Variants in AHI1 observed in about 807,000 individuals in gnomAD.
AHI1 encodes Abelson helper integration site 1, also known as jouberin.
Under a neutral mutation model 149.3 loss-of-function variants are expected in AHI1, and 123 were observed. The observed-to-expected ratio is 0.82, with a 90% CI of 0.71 to 0.96. The LOEUF (loss-of-function observed/expected upper bound fraction) is 0.96, where lower values mean the gene tolerates loss of function less well. Among genes scored for constraint, AHI1 ranks in the 40% least tolerant of loss-of-function variants. The probability of loss-of-function intolerance (pLI) is 0.00; values close to 1 mark genes in which losing one functional copy is unlikely to be tolerated. For missense variants in AHI1, 1,439 were observed against 1,422.7 expected (o/e 1.01, Z -0.18); for synonymous variants, 475 against 459.8 (o/e 1.03, Z -0.42).
chr6:135,434,874 T>C (rs1785172409), intron 15 of AHI1, among the ~76,000 whole-genome samples: 2 of 152,116 alleles, frequency 1.3e-5, no homozygotes, highest in South Asian at 4.1e-4. Context: ...AGCCATTACA[T>C]ATGGAAAAGC....
At chr6:135,412,265 T>C (rs188671498) in intron 20 of AHI1, among the ~76,000 whole-genome samples, 73 of 152,322 alleles carry the variant, frequency 4.8e-4, no homozygotes, top group African/African-American at 1.7e-3. Flanking sequence ...CTACAGATGA[T>C]TCCAAGTATG....
chr6:135,337,842 T>A (rs888235216), intron 24 of AHI1, among the ~76,000 whole-genome samples: 3 of 150,882 alleles, frequency 2.0e-5, no homozygotes, highest in Admixed American at 6.6e-5. Context: ...TAGCCAGATA[T>A]CAGTAATTAA....
intron 23 of AHI1, among the ~76,000 whole-genome samples, chr6:135,394,388 C>T (rs549918371): frequency 7.9e-5 from 12 of 152,134 alleles, no homozygotes; most frequent in African/African-American, 2.9e-4. Context: ...CTACAGGTTA[C>T]ATCCTATTTC....
intron 22 of AHI1, among the ~76,000 whole-genome samples, chr6:135,399,501 T>C (rs75631854): frequency 6.6e-6 from 1 of 152,276 alleles, no homozygotes; most frequent in African/African-American, 2.4e-5. Context: ...TCTATCCTTC[T>C]ATCTTTGTTT....
intron 22 of AHI1, among the ~76,000 whole-genome samples, chr6:135,397,552 A>G (rs943112807): frequency 1.3e-5 from 2 of 152,060 alleles, no homozygotes; most frequent in African/African-American, 4.8e-5. Context: ...TGCCAAGTTA[A>G]TCATAAAACT....
chr6:135,352,942 G>T (rs538558790), intron 24 of AHI1, among the ~76,000 whole-genome samples: 3 of 150,850 alleles, frequency 2.0e-5, no homozygotes, highest in Admixed American at 2.0e-4. Flanking sequence ...AATTTATGCT[G>T]CTGTTATATC....
intron 23 of AHI1, among the ~76,000 whole-genome samples, chr6:135,375,699 T>A (rs1233298646): frequency 6.6e-6 from 1 of 152,260 alleles, no homozygotes; most frequent in African/African-American, 2.4e-5. Context: ...CAACTGGGAA[T>A]ATCAATATAA....
chr6:135,292,049 C>T (rs6934384), intron 27 of AHI1, among the ~76,000 whole-genome samples: 15,667 of 151,972 alleles, frequency 0.1, 1,679 homozygotes, highest in African/African-American at 0.27. Context: ...GGATTATTTT[C>T]AAGAAGTCAG....
chr6:135,313,271 A>G (rs1464858973), intron 26 of AHI1, among the ~76,000 whole-genome samples: 1 of 152,196 alleles, frequency 6.6e-6, no homozygotes, highest in African/African-American at 2.4e-5. Flanking sequence ...AAGAGAAAAA[A>G]ATATATGCAG....
In AHI1 at chr6:135,429,133, G is replaced by C. The variant is rs1290477066; in HGVS notation, c.2493-374C>G. ...GAGCTGGTTACTAAACTAATGGATA[G>C]AATTTTTATACTCATATATTCTTCT... On this transcript the variant is annotated intron_variant, in intron 18 of 28. Transcript: ENST00000265602. Among the ~76,000 whole-genome samples the C allele has an allele frequency of 2.6e-5, 4 of 151,588 alleles. No individual in the cohort carries two copies. In the East Asian group the frequency reaches 7.7e-4, roughly 29 times the overall value.
intron 13 of AHI1, among the ~76,000 whole-genome samples, chr6:135,444,464 G>T (rs138832954): frequency 0.01 from 1,538 of 152,132 alleles, 11 homozygotes; most frequent in Middle Eastern, 0.044. Context: ...GAATACAACA[G>T]GTCCTTTCCC....
intron 23 of AHI1, among the ~76,000 whole-genome samples, chr6:135,387,045 G>A (rs1459778080): frequency 6.6e-6 from 1 of 152,056 alleles, no homozygotes; most frequent in Non-Finnish European, 1.5e-5. Flanking sequence ...ACTACACCTG[G>A]CTAACTATTT....
At chr6:135,320,909 T>C (rs563271103) in intron 25 of AHI1, among the ~76,000 whole-genome samples, 40 of 152,256 alleles carry the variant, frequency 2.6e-4, no homozygotes, top group African/African-American at 9.6e-4. Flanking sequence ...GACCCAACAA[T>C]GAGAAGAAGG....
At chr6:135,431,509 T>G (rs1223114307) in intron 16 of AHI1, among the ~76,000 whole-genome samples, 195 bp from the exon 17 acceptor site, 1 of 152,138 alleles carries the variant, frequency 6.6e-6, no homozygotes, top group Non-Finnish European at 1.5e-5. Context: ...AAATGAATTC[T>G]TTACTCTTTT....
intron 25 of AHI1, among the ~76,000 whole-genome samples, chr6:135,319,807 A>AT (rs1260873791): frequency 2.6e-5 from 4 of 152,158 alleles, no homozygotes; most frequent in Admixed American, 6.5e-5. Context: ...TTTATCTCAT[A>AT]TTTTGAGGGT....
chr6:135,374,302 CG>C (rs533517537), intron 23 of AHI1, among the ~76,000 whole-genome samples: 65 of 151,154 alleles, frequency 4.3e-4, no homozygotes, highest in African/African-American at 1.5e-3. Context: ...TTAGTAGAGA[CG>C]GGGTCTCAGT....
At chr6:135,330,195 G>A (rs752625638) in intron 24 of AHI1, among the ~76,000 whole-genome samples, 11 of 152,196 alleles carry the variant, frequency 7.2e-5, no homozygotes, top group Non-Finnish European at 1.3e-4. Context: ...TTTACTTTGG[G>A]TAAAATGCTA....
chr6:135,410,587 C>T (rs565460574), intron 21 of AHI1, among the ~76,000 whole-genome samples: 16 of 152,272 alleles, frequency 1.1e-4, no homozygotes, highest in South Asian at 1.0e-3. Flanking sequence ...TAGTTCTCTA[C>T]GCTACACTAT....
intron 23 of AHI1, among the ~76,000 whole-genome samples, chr6:135,367,033 C>T (rs541671057): frequency 2.0e-5 from 3 of 152,246 alleles, no homozygotes; most frequent in Admixed American, 1.3e-4. Context: ...TCATTGTTGA[C>T]CCAATGATCA....
Sources: gnomAD v4.1 joint callset for allele counts (sites outside exome capture counted in the v4.1 genomes callset) on GRCh38, gnomAD v4.1.1 for gene constraint, MANE v1.5 for transcripts, NCBI Gene and HGNC (gene_info 2026-07-23, HGNC 2026-07-21) for gene names.